The following PDE7B variants were observed in gnomAD, a reference collection of about 807,000 sequenced individuals.
The protein encoded by PDE7B is 3',5'-cyclic-AMP phosphodiesterase 7B.
A neutral mutation model predicts 56.2 loss-of-function variants in PDE7B; 29 were observed. That is an observed-to-expected ratio of 0.52 (90% CI 0.38 to 0.70). The LOEUF (loss-of-function observed/expected upper bound fraction) is 0.70, where lower values mean the gene tolerates loss of function less well. PDE7B is among the 30% of genes least tolerant of loss of function. The pLI, the probability that PDE7B is intolerant of heterozygous loss-of-function variation, is 0.00. For missense variants in PDE7B, 490 were observed against 565.0 expected (o/e 0.87, Z 1.35); for synonymous variants, 197 against 196.9 (o/e 1.00, Z 0.00).
At chr6:135,866,662 C>T (rs2128185705) in intron 1 of PDE7B, among the ~76,000 whole-genome samples, 1 of 152,194 alleles carries the variant, frequency 6.6e-6, no homozygotes, top group East Asian at 1.9e-4. Flanking sequence ...CTTGTATAGT[C>T]GCTGATATAA....
chr6:136,139,455 C>A (rs1419423334), intron 3 of PDE7B, among the ~76,000 whole-genome samples: 1 of 152,136 alleles, frequency 6.6e-6, no homozygotes, highest in Non-Finnish European at 1.5e-5. Context: ...TTTAGAGCAG[C>A]ATGATTTATA....
At chr6:136,082,832 G>A (rs1406316487) in intron 2 of PDE7B, among the ~76,000 whole-genome samples, 1 of 152,176 alleles carries the variant, frequency 6.6e-6, no homozygotes, top group Non-Finnish European at 1.5e-5. Flanking sequence ...TTTAAAGAAT[G>A]TTGGAAAACA....
intron 2 of PDE7B, among the ~76,000 whole-genome samples, chr6:136,072,222 G>A (rs1777060988): frequency 1.3e-5 from 2 of 152,164 alleles, no homozygotes; most frequent in Admixed American, 1.3e-4. Flanking sequence ...AAATAAATAG[G>A]CGGGGAGGCG....
At chr6:135,964,679 C>A (rs1422782438) in intron 2 of PDE7B, among the ~76,000 whole-genome samples, 1 of 151,988 alleles carries the variant, frequency 6.6e-6, no homozygotes, top group Non-Finnish European at 1.5e-5. Context: ...TGGATTTGTC[C>A]AGTAAAAGTA....
At chr6:135,923,629 T>C (rs1774131765) in intron 1 of PDE7B, among the ~76,000 whole-genome samples, 2 of 151,936 alleles carry the variant, frequency 1.3e-5, no homozygotes, top group Admixed American at 6.6e-5. Flanking sequence ...CAATATAAAA[T>C]AGAAAGAAAT....
At chr6:136,032,905 G>C (rs988729554) in intron 2 of PDE7B, among the ~76,000 whole-genome samples, 4 of 152,164 alleles carry the variant, frequency 2.6e-5, no homozygotes, top group African/African-American at 4.8e-5. Context: ...CAAATTTGGG[G>C]CAAAGCTCAG....
At chr6:135,887,260 C>T (rs1775726295) in intron 1 of PDE7B, among the ~76,000 whole-genome samples, 1 of 152,008 alleles carries the variant, frequency 6.6e-6, no homozygotes, top group Admixed American at 6.6e-5. Flanking sequence ...CTTCTGGATA[C>T]TAGTCCTTTG....
At chr6:135,982,529 T>C (rs1014417900) in intron 2 of PDE7B, among the ~76,000 whole-genome samples, 2 of 152,190 alleles carry the variant, frequency 1.3e-5, no homozygotes, top group African/African-American at 4.8e-5. Context: ...GGGCAGTCTA[T>C]GTATTACATC....
At chr6:135,965,244 A>G (rs1774976085) in intron 2 of PDE7B, among the ~76,000 whole-genome samples, 1 of 152,212 alleles carries the variant, frequency 6.6e-6, no homozygotes, top group South Asian at 2.1e-4. Context: ...ATGGAGTAAC[A>G]GTGGTAGAGG....
At chr6:136,062,683 C>CT (rs1160153154) in intron 2 of PDE7B, among the ~76,000 whole-genome samples, 1 of 152,182 alleles carries the variant, frequency 6.6e-6, no homozygotes, top group African/African-American at 2.4e-5. Flanking sequence ...AAGAGCAGCT[C>CT]TAGGGTCCTG....
At chr6:135,983,651 G>A (rs939126218) in intron 2 of PDE7B, among the ~76,000 whole-genome samples, 3 of 152,130 alleles carry the variant, frequency 2.0e-5, no homozygotes, top group Non-Finnish European at 2.9e-5. Context: ...TCATACGTGA[G>A]CATTTATTGA....
At chr6:136,045,169 C>T (rs989039084) in intron 2 of PDE7B, among the ~76,000 whole-genome samples, 1 of 152,016 alleles carries the variant, frequency 6.6e-6, no homozygotes, top group Non-Finnish European at 1.5e-5. Context: ...TACATCTCAT[C>T]ATATCAGAAA....
At chr6:136,088,264 A>C (rs565466631) in intron 2 of PDE7B, among the ~76,000 whole-genome samples, 23 of 152,296 alleles carry the variant, frequency 1.5e-4, no homozygotes, top group Non-Finnish European at 2.6e-4. Context: ...TAATATTACT[A>C]TACCGGGGGC....
At chr6:136,117,714 C>A (rs1583890218) in intron 3 of PDE7B, among the ~76,000 whole-genome samples, 1 of 152,162 alleles carries the variant, frequency 6.6e-6, no homozygotes, top group Non-Finnish European at 1.5e-5. Context: ...ACAGGATGTA[C>A]AAGGCCAGGT....
intron 11 of PDE7B, among the ~76,000 whole-genome samples, chr6:136,184,589 G>A (rs532497855): frequency 6.2e-4 from 94 of 152,292 alleles, no homozygotes; most frequent in Admixed American, 1.3e-3. Flanking sequence ...GAATGGAATG[G>A]AAACCACTGA....
At chr6:135,873,757 T>C (rs1156489604) in intron 1 of PDE7B, among the ~76,000 whole-genome samples, 1 of 152,172 alleles carries the variant, frequency 6.6e-6, no homozygotes, top group Admixed American at 6.5e-5. Flanking sequence ...ACATAGACAA[T>C]GTTTTTATAT....
chr6:135,900,536 C>T (rs956624079), intron 1 of PDE7B, among the ~76,000 whole-genome samples: 15 of 151,976 alleles, frequency 9.9e-5, no homozygotes, highest in African/African-American at 3.4e-4. Context: ...TTCAATTCTA[C>T]CCTATTTTAC....
intron 1 of PDE7B, among the ~76,000 whole-genome samples, chr6:135,876,823 C>T (rs532697357): frequency 1.2e-3 from 180 of 151,946 alleles, no homozygotes; most frequent in Non-Finnish European, 2.3e-3. Flanking sequence ...TGCGCCACTG[C>T]GCTCCAGCCT....
chr6:135,854,752 T>C (rs1343245372), intron 1 of PDE7B, among the ~76,000 whole-genome samples: 2 of 152,168 alleles, frequency 1.3e-5, no homozygotes, highest in African/African-American at 4.8e-5. Context: ...CTTTGATTCA[T>C]GAGATGGTGC....
Sources: gnomAD v4.1 joint callset for allele counts (sites outside exome capture counted in the v4.1 genomes callset) on GRCh38, gnomAD v4.1.1 for gene constraint, MANE v1.5 for transcripts, NCBI Gene and HGNC (gene_info 2026-07-23, HGNC 2026-07-21) for gene names.